Variants in TBC1D19 observed in about 807,000 individuals in gnomAD.
TBC1D19 encodes the protein TBC1 domain family, member 19.
TBC1D19 carries 60 observed loss-of-function variants against 89.0 expected under a neutral mutation model. That is an observed-to-expected ratio of 0.67 (90% CI 0.55 to 0.84). TBC1D19 has a LOEUF of 0.84. Ranked by LOEUF, TBC1D19 falls within the 40% of genes least tolerant of loss-of-function variation. The probability of loss-of-function intolerance (pLI) is 0.00; values close to 1 mark genes in which losing one functional copy is unlikely to be tolerated. For missense variants in TBC1D19, 500 were observed against 610.8 expected, an observed-to-expected ratio of 0.82 and a Z score of 1.91; for synonymous variants, 189 against 199.7, an observed-to-expected ratio of 0.95 and a Z score of 0.45.
At chr4:26,833,196 C>T in the TBC1D19 span, among the ~76,000 whole-genome samples, 1 of 151,986 alleles carries the variant, frequency 6.6e-6, no homozygotes, top group East Asian at 1.9e-4. Flanking sequence ...TTTAGGTTGA[C>T]ATGAGGAATC....
At chr4:26,698,968 C>T (rs1185711102) in intron 13 of TBC1D19, among the ~76,000 whole-genome samples, 2 of 152,182 alleles carry the variant, frequency 1.3e-5, no homozygotes, top group Non-Finnish European at 2.9e-5. Context: ...GACTTCATGT[C>T]TAAAACGCCA....
At chr4:26,789,021 A>G in the TBC1D19 span, among the ~76,000 whole-genome samples, 1 of 152,070 alleles carries the variant, frequency 6.6e-6, no homozygotes, top group Non-Finnish European at 1.5e-5. Flanking sequence ...ATTTATGTGG[A>G]TGGGTAGTTG....
At chr4:26,697,307 A>G (rs1343185999) in intron 13 of TBC1D19, among the ~76,000 whole-genome samples, 2 of 152,202 alleles carry the variant, frequency 1.3e-5, no homozygotes, top group Admixed American at 1.3e-4. Context: ...GAGAGATTCA[A>G]CCAGGAAGAA....
chr4:26,640,091 C>A, intron 6 of TBC1D19, 50 bp from the exon 7 acceptor site: 1 of 1,217,672 alleles, frequency 8.2e-7, no homozygotes, highest in Non-Finnish European at 1.2e-6. Context: ...ATTTAATAAG[C>A]CTTCATATAT....
At chr4:26,602,690 T>C (rs1740713788) in intron 1 of TBC1D19, among the ~76,000 whole-genome samples, 1 of 152,054 alleles carries the variant, frequency 6.6e-6, no homozygotes, top group Admixed American at 6.5e-5. Context: ...TCCACCCTCC[T>C]TGGCCTCCCA....
At chr4:26,743,586 A>G (rs2109320230) in intron 18 of TBC1D19, among the ~76,000 whole-genome samples, 1 of 152,188 alleles carries the variant, frequency 6.6e-6, no homozygotes, top group South Asian at 2.1e-4. Context: ...AGATGGAGAT[A>G]GAGATAGGTA....
At chr4:26,745,810 C>G (rs1406903061) in intron 18 of TBC1D19, among the ~76,000 whole-genome samples, 1 of 152,054 alleles carries the variant, frequency 6.6e-6, no homozygotes, top group Non-Finnish European at 1.5e-5. Flanking sequence ...CCGCACCCAG[C>G]CAATATACTT....
intron 4 of TBC1D19, among the ~76,000 whole-genome samples, chr4:26,621,821 T>C (rs557702140): frequency 6.6e-5 from 10 of 152,194 alleles, no homozygotes; most frequent in African/African-American, 2.4e-4. Flanking sequence ...TTTTTTTTTG[T>C]TATAAAGATT....
At chr4:26,838,566 A>G in the TBC1D19 span, among the ~76,000 whole-genome samples, 2 of 152,240 alleles carry the variant, frequency 1.3e-5, no homozygotes, top group Non-Finnish European at 2.9e-5. Context: ...CACAGTATAT[A>G]TGTTAAAAGC....
the TBC1D19 span, among the ~76,000 whole-genome samples, chr4:26,849,101 A>C: frequency 1.3e-5 from 2 of 152,180 alleles, no homozygotes; most frequent in African/African-American, 2.4e-5. Context: ...ACTTGAGCCC[A>C]GGAGGTTGAG....
chr4:26,721,004 C>T (rs985408939), intron 15 of TBC1D19, among the ~76,000 whole-genome samples: 2 of 152,106 alleles, frequency 1.3e-5, no homozygotes, highest in Admixed American at 6.6e-5. Context: ...GCTTTCATGG[C>T]GCTGTTCTCT....
chr4:26,719,759 T>C (rs1350596452), intron 14 of TBC1D19, among the ~76,000 whole-genome samples: 2 of 152,142 alleles, frequency 1.3e-5, no homozygotes, highest in African/African-American at 2.4e-5. Context: ...TTAGACTTAT[T>C]TGTAATTAGC....
intron 7 of TBC1D19, among the ~76,000 whole-genome samples, chr4:26,653,127 C>T (rs1257008510): frequency 6.6e-6 from 1 of 152,052 alleles, no homozygotes; most frequent in Non-Finnish European, 1.5e-5. Flanking sequence ...CGTTATGTAC[C>T]CAGTAGTCAC....
At chr4:26,628,625 A>G (rs890478356) in intron 4 of TBC1D19, among the ~76,000 whole-genome samples, 1 of 152,148 alleles carries the variant, frequency 6.6e-6, no homozygotes, top group African/African-American at 2.4e-5. Context: ...GTCTCAGCCC[A>G]AAATCTCCTT....
At chr4:26,611,818 G>T (rs1741394153) in intron 1 of TBC1D19, among the ~76,000 whole-genome samples, 1 of 151,958 alleles carries the variant, frequency 6.6e-6, no homozygotes, top group Admixed American at 6.6e-5. Context: ...TAATGAGTTA[G>T]TTCCCTATCA....
chr4:26,632,066 C>T (rs1227596691), intron 4 of TBC1D19, among the ~76,000 whole-genome samples: 1 of 152,098 alleles, frequency 6.6e-6, no homozygotes, highest in Non-Finnish European at 1.5e-5. Context: ...GATAATTTAA[C>T]AAATATTCAA....
intron 12 of TBC1D19, among the ~76,000 whole-genome samples, chr4:26,685,587 A>C (rs923373907): frequency 6.6e-6 from 1 of 152,242 alleles, no homozygotes; most frequent in Non-Finnish European, 1.5e-5. Context: ...TAGTGAAGCC[A>C]AGATTTAGAC....
In TBC1D19 at chr4:26,677,813, T is replaced by A. The variant is rs112121887; in HGVS notation, c.816+3925T>A. Among the ~76,000 whole-genome samples the A allele has an allele frequency of 2.7e-3, 407 of 152,272 alleles. 4 individuals carry two copies. The highest frequency in any genetic ancestry group is 9.1e-3 in the African/African-American group (377 of 41,564). On this transcript the variant is annotated intron_variant, in intron 11 of 20. Transcript: ENST00000264866. ...CCCCCTTTACTGGGCACTCATTCTC[T>A]CCCCTGCTGCCCTGTGAAGAGGTGC...
the TBC1D19 span, among the ~76,000 whole-genome samples, chr4:26,780,643 C>T: frequency 4.6e-4 from 70 of 152,338 alleles, no homozygotes; most frequent in Middle Eastern, 3.4e-3. Flanking sequence ...TCAGCCCTTG[C>T]GACAGGCTTC....
Sources: gnomAD v4.1 joint callset for allele counts (sites outside exome capture counted in the v4.1 genomes callset) on GRCh38, gnomAD v4.1.1 for gene constraint, MANE v1.5 for transcripts, NCBI Gene and HGNC (gene_info 2026-07-23, HGNC 2026-07-21) for gene names.